PTPRK: variants seen among roughly 807,000 people sequenced by gnomAD.
The protein encoded by PTPRK is receptor-type tyrosine-protein phosphatase kappa.
A neutral mutation model predicts 178.0 loss-of-function variants in PTPRK; 75 were observed. The observed-to-expected ratio is 0.42, with a 90% confidence interval of 0.35 to 0.51. The LOEUF (loss-of-function observed/expected upper bound fraction) is 0.51, where lower values mean the gene tolerates loss of function less well. Ranked by LOEUF, PTPRK falls within the 20% of genes least tolerant of loss-of-function variation. The pLI, the probability that PTPRK is intolerant of heterozygous loss-of-function variation, is 0.02. For synonymous variants in PTPRK, 637 were observed against 620.6 expected, an observed-to-expected ratio of 1.03 and a Z score of -0.39; for missense variants, 1,441 against 1,797.8, an observed-to-expected ratio of 0.80 and a Z score of 3.59.
chr6:128,375,057 G>GCATTATTATTAT (rs1554242875), intron 2 of PTPRK, among the ~76,000 whole-genome samples: 4 of 115,690 alleles, frequency 3.5e-5, no homozygotes, highest in Admixed American at 1.9e-4. Context: ...TAGAAACACT[G>GCATTATTATTAT]CATTATTATT....
chr6:128,161,182 T>C (rs1798659044), intron 7 of PTPRK, among the ~76,000 whole-genome samples: 1 of 151,788 alleles, frequency 6.6e-6, no homozygotes, highest in African/African-American at 2.4e-5. Flanking sequence ...TTGTTTTGCA[T>C]GTGAATTTAG....
At chr6:128,343,728 T>TA (rs756349443) in intron 2 of PTPRK, among the ~76,000 whole-genome samples, 4 of 152,348 alleles carry the variant, frequency 2.6e-5, no homozygotes, top group East Asian at 3.9e-4. Flanking sequence ...TTAAATGCTT[T>TA]ATCCAAAAAC....
intron 7 of PTPRK, among the ~76,000 whole-genome samples, chr6:128,150,181 C>T (rs1797053938): frequency 6.6e-6 from 1 of 152,010 alleles, no homozygotes; most frequent in Non-Finnish European, 1.5e-5. Context: ...ACTCAAAACT[C>T]CAGGGGTAAG....
chr6:128,185,868 A>G (rs1802672284), intron 6 of PTPRK, among the ~76,000 whole-genome samples: 1 of 152,130 alleles, frequency 6.6e-6, no homozygotes, highest in Non-Finnish European at 1.5e-5. Context: ...AAAATATACA[A>G]TGCAAATAAG....
At chr6:128,082,222 A>G (rs1011704466) in intron 10 of PTPRK, among the ~76,000 whole-genome samples, 5 of 152,172 alleles carry the variant, frequency 3.3e-5, no homozygotes, top group Non-Finnish European at 7.4e-5. Flanking sequence ...TTTTAAGACC[A>G]CTGTCAATCA....
chr6:128,289,553 T>A lies in PTPRK; in HGVS notation c.495+32486A>T, dbSNP rs182843958. Among the ~76,000 whole-genome samples, 1,282 of 152,236 alleles carry A rather than the reference T, an allele frequency of 8.4e-3. 19 individuals are homozygous for A. Among genetic ancestry groups the A allele is most frequent in the Admixed American group, 0.035 (538 of 15,270 alleles). Reference sequence around the variant, plus strand: ...AATGACATTAAACCTCTTTAAAAAATCATATTTTTAATAAAGAGCAATTGA... The same window carrying A: ...AATGACATTAAACCTCTTTAAAAAAACATATTTTTAATAAAGAGCAATTGA... On this transcript the variant is annotated intron_variant, in intron 3 of 29. Transcript: ENST00000368226.
At chr6:128,095,753 G>A (rs911889081) in intron 7 of PTPRK, among the ~76,000 whole-genome samples, 12 of 152,188 alleles carry the variant, frequency 7.9e-5, no homozygotes, top group African/African-American at 2.9e-4. Context: ...GGAACCAGAA[G>A]TAAAATCCAG....
At chr6:128,471,492 G>A (rs1850646311) in intron 1 of PTPRK, among the ~76,000 whole-genome samples, 1 of 150,118 alleles carries the variant, frequency 6.7e-6, no homozygotes, top group African/African-American at 2.5e-5. Flanking sequence ...TGGGGCAATA[G>A]AGATGGACAG....
At chr6:128,031,678 A>G (rs1775360121) in intron 13 of PTPRK, among the ~76,000 whole-genome samples, 1 of 152,280 alleles carries the variant, frequency 6.6e-6, no homozygotes, top group South Asian at 2.1e-4. Flanking sequence ...TAACAACCCA[A>G]ATACTTCCAA....
At chr6:128,256,098 C>T (rs1817259472) in intron 3 of PTPRK, among the ~76,000 whole-genome samples, 1 of 152,230 alleles carries the variant, frequency 6.6e-6, no homozygotes, top group Middle Eastern at 3.4e-3. Flanking sequence ...GAAAGAAATA[C>T]CTAATTTTTG....
chr6:128,101,437 A>G (rs1249918296), intron 7 of PTPRK, among the ~76,000 whole-genome samples: 1 of 152,108 alleles, frequency 6.6e-6, no homozygotes, highest in Non-Finnish European at 1.5e-5. Context: ...TGTTTCCCAC[A>G]TAGTACCTCA....
intron 1 of PTPRK, among the ~76,000 whole-genome samples, chr6:128,452,896 G>A (rs548756954): frequency 1.1e-3 from 166 of 152,134 alleles, no homozygotes; most frequent in African/African-American, 3.9e-3. Context: ...CCTCTGCCCA[G>A]TCAGCATAAT....
intron 2 of PTPRK, among the ~76,000 whole-genome samples, chr6:128,355,036 T>C (rs2128339203): frequency 6.6e-6 from 1 of 152,244 alleles, no homozygotes; most frequent in East Asian, 1.9e-4. Context: ...TACTGGAGAG[T>C]TACAATTATA....
At chr6:128,160,368 T>C (rs1179113152) in intron 7 of PTPRK, among the ~76,000 whole-genome samples, 2 of 151,712 alleles carry the variant, frequency 1.3e-5, no homozygotes, top group East Asian at 3.9e-4. Flanking sequence ...AATTCTAAAA[T>C]GGCTGGTATG....
At chr6:128,471,671 C>T (rs1850684279) in intron 1 of PTPRK, among the ~76,000 whole-genome samples, 1 of 146,848 alleles carries the variant, frequency 6.8e-6, no homozygotes, top group African/African-American at 2.5e-5. Flanking sequence ...TGTGGCCTGG[C>T]TGTGAAATGG....
intron 3 of PTPRK, among the ~76,000 whole-genome samples, chr6:128,255,346 A>ACGAG (rs1473833495): frequency 3.3e-5 from 5 of 152,198 alleles, no homozygotes; most frequent in Non-Finnish European, 5.9e-5. Context: ...TTGAGAACAC[A>ACGAG]ATATGGGAGA....
chr6:128,165,547 G>A (rs950629135), intron 7 of PTPRK, among the ~76,000 whole-genome samples: 6 of 150,688 alleles, frequency 4.0e-5, no homozygotes, highest in Non-Finnish European at 4.5e-5. Flanking sequence ...CCATGGCTTC[G>A]CATTATTCCT....
intron 3 of PTPRK, among the ~76,000 whole-genome samples, chr6:128,280,279 C>T (rs1269810884): frequency 6.6e-6 from 1 of 152,170 alleles, no homozygotes; most frequent in Admixed American, 6.6e-5. Context: ...CAGAGTTCTG[C>T]ATACTCATCC....
chr6:128,084,599 T>C (rs1354907007), intron 8 of PTPRK, among the ~76,000 whole-genome samples: 1 of 152,228 alleles, frequency 6.6e-6, no homozygotes, highest in Non-Finnish European at 1.5e-5. Context: ...GCTTCAGTCC[T>C]TATTTGCAAA....
Sources: gnomAD v4.1 joint callset for allele counts (sites outside exome capture counted in the v4.1 genomes callset) on GRCh38, gnomAD v4.1.1 for gene constraint, MANE v1.5 for transcripts, NCBI Gene and HGNC (gene_info 2026-07-23, HGNC 2026-07-21) for gene names.